ZDHHC11: variants seen among roughly 807,000 people sequenced by gnomAD.
The protein encoded by ZDHHC11 is palmitoyltransferase ZDHHC11.
A neutral mutation model predicts 51.3 loss-of-function variants in ZDHHC11; 44 were observed. That is an observed-to-expected ratio of 0.86 (90% CI 0.67 to 1.10). The LOEUF is 1.10. ZDHHC11 is among the 50% of genes least tolerant of loss of function. The pLI, the probability that ZDHHC11 is intolerant of heterozygous loss-of-function variation, is 0.00. For missense variants in ZDHHC11, 400 were observed against 537.7 expected (o/e 0.74, Z 2.53); for synonymous variants, 163 against 222.0 (o/e 0.73, Z 2.36).
rs977149344 is a variant in ZDHHC11 at position 819,773 on chromosome 5, C to T, written c.1059-161G>A. On this transcript the variant is annotated intron_variant, in intron 9 of 12. Transcript: ENST00000283441. ...TCCCGGGAGGTTGTGTGAGTGCTCCCGGGTTACTGCACAGTGGGAAACAGA... is the reference window on the plus strand; with the variant it reads ...TCCCGGGAGGTTGTGTGAGTGCTCCTGGGTTACTGCACAGTGGGAAACAGA... Among the ~76,000 whole-genome samples, 7 of 151,252 alleles carry T rather than the reference C, an allele frequency of 4.6e-5. No homozygotes were observed. In the East Asian group the frequency reaches 7.7e-4, roughly 17 times the overall value.
At chr5:825,773 G>A (rs1264377939) in intron 7 of ZDHHC11, among the ~76,000 whole-genome samples, 1 of 152,278 alleles carries the variant, frequency 6.6e-6, no homozygotes, top group East Asian at 1.9e-4. Context: ...CCACCTCCTG[G>A]CTGGAGGCCA....
Position 850,432 on chromosome 5 carries a change from G to A in ZDHHC11, c.171C>T (p.Phe57=), listed in dbSNP as rs140985796. 23 of 1,613,526 alleles carry A rather than the reference G, an allele frequency of 1.4e-5. No homozygotes were observed. Among genetic ancestry groups the A allele is most frequent in the Middle Eastern group, 3.3e-4 (2 of 6,084 alleles). Residue 57 remains phenylalanine (F), a synonymous_variant, in exon 1 of 13, where the codon TTC becomes TTT. Transcript: ENST00000283441. ...AVFVGLSSAT[F]GIFIPFLPHA... is the part of the protein sequence containing the mutation. ...GAGGCAGGAAGGGAATGAAGATCCC[G>A]AAGGTGGCCGAGGAAAGGCCCACGA...
rs200545925 is a variant in ZDHHC11 at position 850,592 on chromosome 5, C to A, written c.11G>T (p.Arg4Leu). The change falls in exon 1 of 13, where the codon CGC becomes CTC. Residue 4 changes from arginine to leucine, a missense_variant. Physicochemically the swap from Arg to Leu is moderately radical, Grantham distance 102. Around this residue, in one of 5 missense-constraint regions of ZDHHC11, gnomAD observed 119 missense variants for 99.6 expected, o/e 1.20. Transcript: ENST00000283441. ...GGTGACGGAACACTGGCTCCCGGAGCGGGTGTCCATCTGCAGGACACAGAA... is the reference window on the plus strand; with the variant it reads ...GGTGACGGAACACTGGCTCCCGGAGAGGGTGTCCATCTGCAGGACACAGAA... MDT[R>L]SGSQCSVTPE... 9.3e-6 allele frequency: 15 copies of A among 1,613,284 alleles called. No homozygotes were observed. In the East Asian group the frequency reaches 1.3e-4, roughly 14 times the overall value.
chr5:851,399 C>T (rs192000532), upstream of ZDHHC11, among the ~76,000 whole-genome samples: 1,196 of 151,770 alleles, frequency 7.9e-3, 17 homozygotes, highest in African/African-American at 0.028. Context: ...CACTCAACGG[C>T]CGCTACGGGG....
At chr5:836,119 A>G (rs1444443236) in intron 6 of ZDHHC11, among the ~76,000 whole-genome samples, 1 of 150,144 alleles carries the variant, frequency 6.7e-6, no homozygotes, top group African/African-American at 2.5e-5. Context: ...ACCTGTGCCC[A>G]GCCTCCAAGA....
At chr5:810,300 G>A (rs1579571663) in intron 11 of ZDHHC11, among the ~76,000 whole-genome samples, 6 of 146,152 alleles carry the variant, frequency 4.1e-5, no homozygotes, top group African/African-American at 1.5e-4. Context: ...AGGCGCTGGG[G>A]ATTAGGGTCT....
chr5:828,480 G>A (rs1399216499), intron 7 of ZDHHC11, among the ~76,000 whole-genome samples: 45 of 151,464 alleles, frequency 3.0e-4, no homozygotes, highest in African/African-American at 9.7e-4. Context: ...CCTCCCGGAC[G>A]GGGGACCTGC....
At chr5:833,572 A>G (rs1390068730) in intron 7 of ZDHHC11, among the ~76,000 whole-genome samples, 1 of 151,446 alleles carries the variant, frequency 6.6e-6, no homozygotes, top group Non-Finnish European at 1.5e-5. Context: ...TAGTTTCTGC[A>G]AGTAAGACAA....
chr5:818,124 C>G (rs1406581501), intron 10 of ZDHHC11, among the ~76,000 whole-genome samples: 1 of 151,222 alleles, frequency 6.6e-6, no homozygotes, highest in African/African-American at 2.4e-5. Context: ...TGCTTCAGAC[C>G]AGGCCTCATG....
At chr5:821,921 T>TA in intron 8 of ZDHHC11, 26 bp from the exon 9 acceptor site, 1 of 1,590,852 alleles carries the variant, frequency 6.3e-7, no homozygotes, top group Non-Finnish European at 8.6e-7. Context: ...GCAAAATTCA[T>TA]AGAATGAATT....
At chr5:822,811 G>T (rs1741737013) in intron 8 of ZDHHC11, among the ~76,000 whole-genome samples, 1 of 151,946 alleles carries the variant, frequency 6.6e-6, no homozygotes, top group Admixed American at 6.6e-5. Flanking sequence ...TGCCTGGATG[G>T]TATCCTTAAT....
intron 9 of ZDHHC11, chr5:821,172 T>A (rs574672849): frequency 6.6e-6 from 1 of 151,190 alleles, no homozygotes; most frequent in Non-Finnish European, 1.5e-5. Context: ...TCTCTGCTGC[T>A]CCCCCCGGGG....
chr5:798,904 T>C (rs1382954197), intron 12 of ZDHHC11, among the ~76,000 whole-genome samples: 3 of 152,294 alleles, frequency 2.0e-5, no homozygotes, highest in Admixed American at 2.0e-4. Flanking sequence ...AGCATGCAAA[T>C]GATAAAGAAT....
chr5:856,107 C>G (rs1021455558), intron 1 of ZDHHC11, among the ~76,000 whole-genome samples: 1 of 152,084 alleles, frequency 6.6e-6, no homozygotes, highest in Non-Finnish European at 1.5e-5. Flanking sequence ...AGCCTCGATA[C>G]CACCGTGGCC....
chr5:809,453 G>A (rs1350824264), intron 11 of ZDHHC11, among the ~76,000 whole-genome samples: 18 of 149,204 alleles, frequency 1.2e-4, no homozygotes, highest in African/African-American at 4.3e-4. Flanking sequence ...AGTGCCTTCA[G>A]AACACGCATG....
At chr5:847,118 G>C (rs1255974262) in intron 3 of ZDHHC11, among the ~76,000 whole-genome samples, 1 of 151,746 alleles carries the variant, frequency 6.6e-6, no homozygotes, top group East Asian at 1.9e-4. Context: ...CATGCTCAGG[G>C]GAAACACCTC....
intron 11 of ZDHHC11, among the ~76,000 whole-genome samples, chr5:809,014 C>CACAT (rs1554050773): frequency 1.9e-3 from 262 of 134,952 alleles, no homozygotes; most frequent in Middle Eastern, 3.7e-3. Flanking sequence ...CACACACACA[C>CACAT]GCACACTATT....
chr5:798,935 A>G (rs1381968342), intron 12 of ZDHHC11, among the ~76,000 whole-genome samples: 1 of 152,170 alleles, frequency 6.6e-6, no homozygotes, highest in Non-Finnish European at 1.5e-5. Flanking sequence ...ATTATCTGCA[A>G]CTTCAGCAGA....
At chr5:855,767 G>A (rs984138963), upstream of ZDHHC11, among the ~76,000 whole-genome samples, 7 of 147,448 alleles carry the variant, frequency 4.7e-5, no homozygotes, top group African/African-American at 1.8e-4. Context: ...AGCGAGCGAG[G>A]GTTACAGACA....
Sources: allele counts gnomAD v4.1 joint callset (sites outside exome capture counted in the v4.1 genomes callset), GRCh38; gene constraint gnomAD v4.1.1; regional missense constraint gnomAD v4.1.1; transcripts MANE v1.5; gene names NCBI Gene and HGNC (gene_info 2026-07-23, HGNC 2026-07-21).